The following SGPP2 variants were observed in gnomAD, a reference collection of about 807,000 sequenced individuals.
SGPP2 encodes sphingosine-1-phosphate phosphatase 2.
A neutral mutation model predicts 33.9 loss-of-function variants in SGPP2; 30 were observed. That is an observed-to-expected ratio of 0.89 (90% confidence interval 0.66 to 1.20). SGPP2 has a LOEUF of 1.20. Among genes scored for constraint, SGPP2 ranks in the 50% most tolerant of loss-of-function variants. The pLI is 0.00. For synonymous variants in SGPP2, 233 were observed against 225.0 expected (o/e 1.04, Z -0.32); for missense variants, 458 against 532.1 (o/e 0.86, Z 1.37).
intron 2 of SGPP2, among the ~76,000 whole-genome samples, chr2:222,512,395 C>A (rs1036889571): frequency 1.3e-5 from 2 of 151,904 alleles, no homozygotes; most frequent in East Asian, 1.9e-4. Context: ...CTTCTCCCCA[C>A]GCCACATACA....
At chr2:222,447,595 T>C (rs543758863) in intron 1 of SGPP2, among the ~76,000 whole-genome samples, 84 of 152,324 alleles carry the variant, frequency 5.5e-4, no homozygotes, top group African/African-American at 1.9e-3. Context: ...AGAGGTTGAC[T>C]AATCAGACAC....
At chr2:222,506,010 C>G (rs1047437921) in intron 2 of SGPP2, among the ~76,000 whole-genome samples, 2 of 151,048 alleles carry the variant, frequency 1.3e-5, no homozygotes, top group African/African-American at 4.9e-5. Flanking sequence ...ATATATGACG[C>G]CAGTCACAGT....
At chr2:222,548,427 G>GT (rs1199466969) in intron 4 of SGPP2, among the ~76,000 whole-genome samples, 1 of 152,164 alleles carries the variant, frequency 6.6e-6, no homozygotes, top group Non-Finnish European at 1.5e-5. Flanking sequence ...ACCTCATGTA[G>GT]TTACTCCTGA....
intron 2 of SGPP2, among the ~76,000 whole-genome samples, chr2:222,519,982 A>T (rs767603467): frequency 2.0e-5 from 3 of 152,182 alleles, no homozygotes; most frequent in Non-Finnish European, 4.4e-5. Context: ...ACAGATGAGC[A>T]TATGTGTCTT....
rs115958858 is a variant in SGPP2, at chr2:222,526,717, C to T, written c.648+1684C>T. On this transcript the variant is annotated intron_variant, in intron 4 of 4. Transcript: ENST00000321276. Reference sequence around the variant, plus strand: ...AAAGGAATGAGATCATGTCCTTTGACATGGATGAAGCTGGAAGCCATCATC... The same window carrying T: ...AAAGGAATGAGATCATGTCCTTTGATATGGATGAAGCTGGAAGCCATCATC... 8.4e-3 allele frequency among the ~76,000 whole-genome samples: 1,282 copies of T among 152,264 alleles called. 20 individuals carry two copies. The highest frequency in any genetic ancestry group is 0.029 in the African/African-American group (1,202 of 41,538).
intron 1 of SGPP2, among the ~76,000 whole-genome samples, chr2:222,433,691 AT>A (rs11413888): frequency 5.3e-5 from 8 of 151,860 alleles, no homozygotes; most frequent in African/African-American, 1.5e-4. Flanking sequence ...TAGCTTGATG[AT>A]TTTTTTCCCC....
chr2:222,482,340 C>A (rs1202065355), intron 2 of SGPP2, among the ~76,000 whole-genome samples: 1 of 152,174 alleles, frequency 6.6e-6, no homozygotes, highest in Admixed American at 6.5e-5. Context: ...TTCCTGATAT[C>A]TTCTTCTTTA....
intron 1 of SGPP2, among the ~76,000 whole-genome samples, chr2:222,461,441 G>A (rs910424902): frequency 4.3e-4 from 66 of 152,258 alleles, no homozygotes; most frequent in African/African-American, 1.6e-3. Flanking sequence ...GACTGGGCAG[G>A]TGGGGGGATG....
chr2:222,466,304 G>T (rs1343581588), intron 1 of SGPP2, among the ~76,000 whole-genome samples: 1 of 144,744 alleles, frequency 6.9e-6, no homozygotes, highest in East Asian at 2.0e-4. Flanking sequence ...TGTCACCCAG[G>T]CTGGAGTGCA....
intron 1 of SGPP2, among the ~76,000 whole-genome samples, chr2:222,451,418 C>A (rs1191605900): frequency 6.6e-6 from 1 of 152,204 alleles, no homozygotes; most frequent in East Asian, 1.9e-4. Flanking sequence ...TGAGACACTC[C>A]AGTTGCCTCT....
chr2:222,486,715 C>T (rs971306598), intron 2 of SGPP2, among the ~76,000 whole-genome samples: 5 of 152,110 alleles, frequency 3.3e-5, no homozygotes, highest in South Asian at 2.1e-4. Context: ...GAAGGCCAGC[C>T]GAGCTGACAT....
At chr2:222,510,253 G>A (rs887351906) in intron 2 of SGPP2, among the ~76,000 whole-genome samples, 1 of 152,192 alleles carries the variant, frequency 6.6e-6, no homozygotes, top group Non-Finnish European at 1.5e-5. Flanking sequence ...GAGTGGAATG[G>A]ATGAGTGTCT....
chr2:222,454,532 G>A (rs1032466193), intron 1 of SGPP2, among the ~76,000 whole-genome samples: 1 of 152,172 alleles, frequency 6.6e-6, no homozygotes, highest in Non-Finnish European at 1.5e-5. Context: ...GGTCAAAGTA[G>A]ATTTTCTTTA....
At chr2:222,533,054 A>T (rs1698861846) in intron 4 of SGPP2, among the ~76,000 whole-genome samples, 1 of 152,216 alleles carries the variant, frequency 6.6e-6, no homozygotes, top group Non-Finnish European at 1.5e-5. Context: ...TTATGAAAAC[A>T]GTTTTTTGGT....
rs571283371 is a variant in SGPP2, at chr2:222,561,194, T to A, written c.*2296T>A. Among the ~76,000 whole-genome samples, 1 of 152,254 alleles carries A rather than the reference T, an allele frequency of 6.6e-6. No homozygotes were observed. The highest frequency in any genetic ancestry group is 1.9e-4 in the East Asian group (1 of 5,188). ...TATAGTTAGAAGGCAAAGATCAAGA[T>A]GACCTGCCGTTTGACTGCTTTTACA... On this transcript the variant is annotated 3_prime_UTR_variant, in exon 5 of 5. Transcript: ENST00000321276.
chr2:222,490,325 G>A (rs1436216321), intron 2 of SGPP2, among the ~76,000 whole-genome samples: 1 of 152,114 alleles, frequency 6.6e-6, no homozygotes, highest in East Asian at 1.9e-4. Flanking sequence ...AGGGGAACAG[G>A]CACTCAAATC....
At chr2:222,541,164 C>T (rs1316095879) in intron 4 of SGPP2, among the ~76,000 whole-genome samples, 1 of 152,152 alleles carries the variant, frequency 6.6e-6, no homozygotes, top group Admixed American at 6.5e-5. Flanking sequence ...TGTCTTGGAA[C>T]AGCAAATATC....
Position 222,561,798 on chromosome 2 carries a change from C to T in SGPP2, c.*2900C>T, listed in dbSNP as rs2106163702. ...CGCCAACCTCAGTTTCTGAGCACTC[C>T]TGCTCTGTGGTGAGAATCAGACAAA... On this transcript the variant is annotated 3_prime_UTR_variant, in exon 5 of 5. Transcript: ENST00000321276. Among the ~76,000 whole-genome samples, 1 of 150,632 alleles carries T rather than the reference C, an allele frequency of 6.6e-6. No individual in the cohort carries two copies. Among genetic ancestry groups the T allele is most frequent in the Non-Finnish European group, 1.5e-5 (1 of 67,854 alleles).
chr2:222,427,921 T>C (rs1697096748), intron 1 of SGPP2, among the ~76,000 whole-genome samples: 1 of 152,224 alleles, frequency 6.6e-6, no homozygotes, highest in African/African-American at 2.4e-5. Flanking sequence ...AAGCCTGTCA[T>C]TGAATAAATT....
Sources: allele counts gnomAD v4.1 joint callset (sites outside exome capture counted in the v4.1 genomes callset), GRCh38; gene constraint gnomAD v4.1.1; transcripts MANE v1.5; gene names NCBI Gene and HGNC (gene_info 2026-07-23, HGNC 2026-07-21).